The following ANKRD18B variants were observed in gnomAD, a reference collection of about 807,000 sequenced individuals.
ANKRD18B encodes ankyrin repeat domain 18B, also known as ankyrin repeat domain-containing protein 18B.
ANKRD18B carries 75 observed loss-of-function variants against 111.8 expected under a neutral mutation model. The ratio of observed to expected loss-of-function variants is 0.67; its 90% CI spans 0.56 to 0.81. The LOEUF (loss-of-function observed/expected upper bound fraction) is 0.81. Among genes scored for constraint, ANKRD18B ranks in the 40% least tolerant of loss-of-function variants. The probability of loss-of-function intolerance (pLI) is 0.00; values close to 1 mark genes in which losing one functional copy is unlikely to be tolerated. For missense variants in ANKRD18B, 1,038 were observed against 1,225.5 expected, an observed-to-expected ratio of 0.85 and a Z score of 2.28; for synonymous variants, 356 against 417.3, an observed-to-expected ratio of 0.85 and a Z score of 1.79.
chr9:33,558,735 A>T (rs1392314015), intron 14 of ANKRD18B, among the ~76,000 whole-genome samples: 1 of 152,234 alleles, frequency 6.6e-6, no homozygotes, highest in Non-Finnish European at 1.5e-5. Flanking sequence ...GATTAAAATT[A>T]TGTAATTTGG....
chr9:33,536,722 A>G (rs1028289401), intron 5 of ANKRD18B, among the ~76,000 whole-genome samples, 156 bp from the exon 6 acceptor site: 3 of 152,192 alleles, frequency 2.0e-5, no homozygotes, highest in African/African-American at 7.2e-5. Flanking sequence ...GAAGCTTAAT[A>G]AGTTTATAGA....
chr9:33,534,521 T>C lies in ANKRD18B; in HGVS notation c.740+14T>C, dbSNP rs1828167145. The C allele has an allele frequency of 6.6e-7, 1 of 1,517,276 alleles. No homozygotes were observed. Among genetic ancestry groups the C allele is most frequent in the East Asian group, 2.5e-5 (1 of 40,572 alleles). The allele number at this position is 1,517,276 out of a possible 1,614,324, so 94.0% of individuals were successfully genotyped here. On this transcript the variant is annotated intron_variant, in intron 5 of 18. Coordinates refer to ENST00000684830, the MANE Select transcript of ANKRD18B (RefSeq NM_001393611.1). ...TGATTTGAGAAGGTATGTGCTTATA[T>C]TAAAAGACCGGTTAATACTAAATTA...
chr9:33,539,749 G>A (rs1414735531), intron 7 of ANKRD18B, among the ~76,000 whole-genome samples: 1 of 151,836 alleles, frequency 6.6e-6, no homozygotes. Context: ...TGTAGGCCAG[G>A]GGAAACTTCT....
intron 5 of ANKRD18B, among the ~76,000 whole-genome samples, chr9:33,535,489 A>G (rs1229216237): frequency 6.6e-6 from 1 of 151,508 alleles, no homozygotes; most frequent in Non-Finnish European, 1.5e-5. Flanking sequence ...GGGTTTCACC[A>G]TGTTAGCCAG....
chr9:33,539,248 G>A (rs187983028), intron 6 of ANKRD18B, among the ~76,000 whole-genome samples: 190 of 152,244 alleles, frequency 1.2e-3, no homozygotes, highest in African/African-American at 4.4e-3. Flanking sequence ...TCATCTGGGA[G>A]CTTATAGTTA....
intron 9 of ANKRD18B, among the ~76,000 whole-genome samples, chr9:33,542,748 G>A (rs1162393636): frequency 1.1e-4 from 17 of 152,074 alleles, no homozygotes; most frequent in Admixed American, 1.1e-3. Context: ...GTAAAAAACA[G>A]GGTGTACACT....
In ANKRD18B at chr9:33,543,199, G is replaced by A. The variant is rs1486702984; in HGVS notation, c.1093G>A (p.Val365Met). 1.2e-5 allele frequency: 18 copies of A among 1,552,394 alleles called. No homozygotes were observed. Among genetic ancestry groups the A allele is most frequent in the Admixed American group, 3.9e-5 (2 of 51,068 alleles). ...KEGAKEHNLK[V>M]ASEEKQERLE... ...TTTGTCAGCAGAACACAACTTAAAA[G>A]TGGCTTCAGAGGAAAAGCAAGAAAG... The change falls in exon 10 of 19, where the codon GTG (valine) becomes ATG (methionine). Residue 365 changes from valine to methionine, a missense_variant. By Grantham distance (21) the Val-to-Met change is conservative (BLOSUM62 1). Around this residue, in one of 4 missense-constraint regions of ANKRD18B, gnomAD observed 205 missense variants for 201.3 expected, o/e 1.02. Transcript: ENST00000684830.
At chr9:33,526,730 G>A (rs1462376605) in intron 1 of ANKRD18B, among the ~76,000 whole-genome samples, 2 of 152,020 alleles carry the variant, frequency 1.3e-5, no homozygotes, top group African/African-American at 4.8e-5. Flanking sequence ...ATCTGTGCTT[G>A]CAGATTTTAT....
chr9:33,533,117 C>A (rs1199617499), intron 3 of ANKRD18B, among the ~76,000 whole-genome samples: 6 of 152,102 alleles, frequency 3.9e-5, no homozygotes, highest in Non-Finnish European at 7.3e-5. Context: ...AGCCCTTGCC[C>A]TTGAGAATCT....
intron 10 of ANKRD18B, among the ~76,000 whole-genome samples, chr9:33,544,997 A>T (rs757874398): frequency 2.0e-5 from 3 of 152,170 alleles, no homozygotes; most frequent in Non-Finnish European, 4.4e-5. Context: ...CCTATCCCTG[A>T]TGGTGAGGAA....
At chr9:33,561,369 A>C (rs897674114) in intron 14 of ANKRD18B, among the ~76,000 whole-genome samples, 1 of 152,186 alleles carries the variant, frequency 6.6e-6, no homozygotes, top group African/African-American at 2.4e-5. Flanking sequence ...TTCTTTGCCC[A>C]TTTGTTAAAT....
In ANKRD18B at chr9:33,548,012, C is replaced by G; in HGVS notation, c.1224C>G (p.Leu408=). ...NFMLKRDIAM[L]KEELYAIKND... ...TGTTGAAGAGAGACATTGCCATGCT[C>G]AAAGAGGAATTATATGCAATAAAAA... The change falls in exon 11 of 19, where the codon CTC becomes CTG. Residue 408 remains leucine (L), a synonymous_variant. Coordinates refer to ENST00000684830, the MANE Select transcript of ANKRD18B (RefSeq NM_001393611.1). The G allele has an allele frequency of 2.0e-6, 3 of 1,505,564 alleles. No homozygotes were observed. The highest frequency in any genetic ancestry group is 2.7e-5 in the South Asian group (2 of 74,600). 93.3% of individuals were successfully genotyped at this position (1,505,564 alleles called of 1,614,324 possible).
intron 14 of ANKRD18B, among the ~76,000 whole-genome samples, chr9:33,565,280 A>G (rs1176483149): frequency 7.9e-5 from 12 of 152,148 alleles, no homozygotes; most frequent in African/African-American, 1.2e-4. Flanking sequence ...CCTTTCCCCA[A>G]TGTATGTTCT....
chr9:33,528,599 T>G, intron 1 of ANKRD18B, 128 bp from the exon 2 acceptor site: 1 of 707,658 alleles, frequency 1.4e-6, no homozygotes, highest in Admixed American at 3.1e-5. Flanking sequence ...TATTGTACTT[T>G]CTTCAAAAGA....
chr9:33,573,948 G>A (rs1587282335), downstream of ANKRD18B, among the ~76,000 whole-genome samples: 2 of 144,290 alleles, frequency 1.4e-5, 1 homozygote, highest in Non-Finnish European at 3.1e-5. Flanking sequence ...AGTGGGGCCT[G>A]ATCGGTTGGA....
intron 2 of ANKRD18B, 55 bp downstream of exon 2, chr9:33,528,896 A>G: frequency 6.4e-7 from 1 of 1,563,276 alleles, no homozygotes; most frequent in Non-Finnish European, 8.7e-7. Context: ...CATAGAATTA[A>G]AATGAATTTG....
chr9:33,566,671 CATT>C (rs1179706653), intron 15 of ANKRD18B, among the ~76,000 whole-genome samples, 171 bp downstream of exon 15: 5 of 151,870 alleles, frequency 3.3e-5, no homozygotes, highest in Admixed American at 2.0e-4. Flanking sequence ...TTTAAATTTC[CATT>C]ATTATTATAA....
intron 5 of ANKRD18B, among the ~76,000 whole-genome samples, chr9:33,535,582 C>T (rs1281025105): frequency 1.3e-5 from 2 of 150,682 alleles, no homozygotes; most frequent in South Asian, 2.1e-4. Context: ...CCACCACACC[C>T]GGCCCACAGC....
At chr9:33,537,176 A>T (rs988950875) in intron 6 of ANKRD18B, among the ~76,000 whole-genome samples, 2 of 152,028 alleles carry the variant, frequency 1.3e-5, no homozygotes, top group African/African-American at 4.8e-5. Flanking sequence ...GGGCGCCTGT[A>T]ATCCCAGCTA....
Sources: allele counts gnomAD v4.1 joint callset (sites outside exome capture counted in the v4.1 genomes callset), GRCh38; gene constraint gnomAD v4.1.1; regional missense constraint gnomAD v4.1.1; transcripts MANE v1.5; gene names NCBI Gene and HGNC (gene_info 2026-07-23, HGNC 2026-07-21).